Variants in DENND2A observed in about 807,000 individuals in gnomAD.
DENND2A encodes DENN domain-containing protein 2A.
A neutral mutation model predicts 105.3 loss-of-function variants in DENND2A; 53 were observed. The ratio of observed to expected loss-of-function variants is 0.50; its 90% confidence interval spans 0.40 to 0.63. DENND2A has a LOEUF of 0.63. Among genes scored for constraint, DENND2A ranks in the 30% least tolerant of loss-of-function variants. The pLI is 0.00. For synonymous variants in DENND2A, 522 were observed against 508.4 expected (o/e 1.03, Z -0.36); for missense variants, 1,138 against 1,279.6 (o/e 0.89, Z 1.69).
At chr7:140,580,779 G>A (rs1332546558) in intron 5 of DENND2A, among the ~76,000 whole-genome samples, 2 of 151,944 alleles carry the variant, frequency 1.3e-5, no homozygotes, top group African/African-American at 4.8e-5. Flanking sequence ...TGGGACTACA[G>A]GCGAGTGCCA....
chr7:140,544,414 C>T (rs1288422524), intron 14 of DENND2A: 11 of 657,422 alleles, frequency 1.7e-5, no homozygotes, highest in East Asian at 8.2e-5. Flanking sequence ...AGGCTGGCCT[C>T]GAACTCCTGG....
chr7:140,630,971 A>G lies in DENND2A; in HGVS notation c.-248+9533T>C, dbSNP rs531915426. 1.1e-4 allele frequency among the ~76,000 whole-genome samples: 17 copies of G among 152,280 alleles called. 1 individual carries two copies. The South Asian group carries it at 2.9e-3, about 26-fold the overall frequency. On this transcript the variant is annotated intron_variant, in intron 1 of 19. Coordinates refer to ENST00000496613, the MANE Select transcript of DENND2A (RefSeq NM_015689.5). ...TTAATGGCCAGATCTTGGCAGGGGG[A>G]GAGTTAGTGGTCCTGGGAGTGTGGG...
At chr7:140,569,496 A>G (rs568324494) in intron 7 of DENND2A, 149 bp downstream of exon 7, 32 of 679,244 alleles carry the variant, frequency 4.7e-5, no homozygotes, top group African/African-American at 4.6e-4. Flanking sequence ...TCCCAGCCCC[A>G]CCACTGTCCC....
chr7:140,527,350 G>A lies in DENND2A; in HGVS notation c.2473C>T (p.Leu825=). The A allele has an allele frequency of 6.3e-7, 1 of 1,597,526 alleles. No homozygotes were observed. The change falls in exon 15 of 20, where the codon CTG becomes TTG. Residue 825 remains leucine, a synonymous_variant. Transcript: ENST00000496613. This position sits in a 1 kb window ranked among gnomAD's most constrained non-coding sequence, Gnocchi z 4.9. ...PFLIGLLSSS[L]PLLRELPLEE... ...AGCGGCAGCTCCCTGAGCAGTGGCA[G>A]CGAGCTGGAGAGCAGCCCGATGAGG...
At chr7:140,584,793 T>C (rs936632005) in intron 5 of DENND2A, among the ~76,000 whole-genome samples, 1 of 152,226 alleles carries the variant, frequency 6.6e-6, no homozygotes, top group African/African-American at 2.4e-5. Context: ...CATACATGTG[T>C]AAGTTTACAT....
At chr7:140,548,989 C>T (rs1298491274) in intron 12 of DENND2A, among the ~76,000 whole-genome samples, 1 of 151,848 alleles carries the variant, frequency 6.6e-6, no homozygotes, top group African/African-American at 2.4e-5. Context: ...GAGGCCAAGG[C>T]TGGCGGATCA....
chr7:140,574,387 T>C (rs898039401), intron 5 of DENND2A, among the ~76,000 whole-genome samples: 1 of 151,978 alleles, frequency 6.6e-6, no homozygotes, highest in Non-Finnish European at 1.5e-5. Context: ...CCCAGCTAAT[T>C]TTTCGTATTT....
intron 1 of DENND2A, among the ~76,000 whole-genome samples, chr7:140,608,859 T>C (rs1278032889): frequency 6.6e-6 from 1 of 152,108 alleles, no homozygotes; most frequent in East Asian, 1.9e-4. Flanking sequence ...CTGGGGACCC[T>C]GTCAGACATG....
intron 5 of DENND2A, among the ~76,000 whole-genome samples, chr7:140,579,007 G>C (rs1447413352): frequency 6.6e-6 from 1 of 151,878 alleles, no homozygotes; most frequent in Admixed American, 6.6e-5. Flanking sequence ...TAGATGCGGT[G>C]GCTCATGGCC....
intron 5 of DENND2A, among the ~76,000 whole-genome samples, chr7:140,582,726 G>A (rs2130636869): frequency 6.6e-6 from 1 of 152,274 alleles, no homozygotes; most frequent in East Asian, 1.9e-4. Context: ...CCACCTGCCA[G>A]CGATGCTGAC....
At chr7:140,521,216 C>T (rs542719210) in intron 18 of DENND2A, among the ~76,000 whole-genome samples, 8 of 152,038 alleles carry the variant, frequency 5.3e-5, no homozygotes, top group Non-Finnish European at 1.2e-4. Context: ...ACCTCTCTTA[C>T]CAAGTGATCT....
rs772982645 is a variant in DENND2A, at chr7:140,527,294, G to A, written c.2505+24C>T. ...TGTTCTCCGCACCCTGCAGGGAGGGGGACAGGGCTGAGTGGGAGCTCACCT... is the reference window on the plus strand; with the variant it reads ...TGTTCTCCGCACCCTGCAGGGAGGGAGACAGGGCTGAGTGGGAGCTCACCT... On this transcript the variant is annotated intron_variant, in intron 15 of 19. Transcript: ENST00000496613. This position sits in a 1 kb window ranked among gnomAD's most constrained non-coding sequence, Gnocchi z 4.9. The A allele has an allele frequency of 6.4e-7, 1 of 1,555,010 alleles. No individual in the cohort carries two copies. The highest frequency in any genetic ancestry group is 1.4e-5 in the African/African-American group (1 of 73,874).
intron 5 of DENND2A, among the ~76,000 whole-genome samples, chr7:140,581,572 G>A (rs1270739787): frequency 1.3e-5 from 2 of 152,194 alleles, no homozygotes; most frequent in African/African-American, 4.8e-5. Context: ...CCCAGATGCG[G>A]TAGATACTCC....
rs3042407 is a variant in DENND2A at position 140,534,081 on chromosome 7, A to ATTTTTTTTTTTTTTTTT, written c.2328-6603_2328-6587dup. Among the ~76,000 whole-genome samples the ATTTTTTTTTTTTTTTTT allele has an allele frequency of 1.5e-3, 121 of 80,076 alleles. 12 individuals are homozygous for ATTTTTTTTTTTTTTTTT. The highest frequency in any genetic ancestry group is 2.0e-3 in the South Asian group (4 of 1,980). The allele number at this position is 80,076 out of a possible 152,430, so 52.5% of individuals were successfully genotyped here. A position where few individuals can be genotyped will look rare whatever the true frequency, so the allele number is the denominator to read the frequency against. The stretch of plus-strand genomic sequence containing the variant: ...GGCACGTGCCACCAATGCCTGGTTA[A>ATTTTTTTTTTTTTTTTT]TTTTTTTTTTTTTTTTTTTTTGAGA... On this transcript the variant is annotated intron_variant, in intron 14 of 19. Transcript: ENST00000496613.
rs777661670 is a variant in DENND2A at position 140,527,446 on chromosome 7, C to T, written c.2377G>A (p.Ala793Thr). The change falls in exon 15 of 20, where the codon GCC (alanine) becomes ACC (threonine). Residue 793 changes from alanine to threonine, a missense_variant. Physicochemically the swap from Ala to Thr is moderately conservative, Grantham distance 58. Around this residue, in one of 2 missense-constraint regions of DENND2A, gnomAD observed 627 missense variants for 779.8 expected, o/e 0.80. Transcript: ENST00000496613. The surrounding 1 kb of genome is among the most constrained non-coding windows in gnomAD (Gnocchi z 4.9). ...ACCGGGATGTAGGTGTGCTGCCAGG[C>T]GAAGGGGTAGATCAGCGCCACCATC... is the stretch of plus-strand genomic sequence containing the variant. ...HAMVALIYPF[A>T]WQHTYIPVLP... 8 of 1,604,688 alleles carry T rather than the reference C, an allele frequency of 5.0e-6. No individual in the cohort carries two copies. Among genetic ancestry groups the T allele is most frequent in the Non-Finnish European group, 5.9e-6 (7 of 1,177,102 alleles).
At chr7:140,577,988 C>T (rs972350273) in intron 5 of DENND2A, among the ~76,000 whole-genome samples, 1 of 152,142 alleles carries the variant, frequency 6.6e-6, no homozygotes, top group Non-Finnish European at 1.5e-5. Flanking sequence ...GGACCTTACA[C>T]CAACATGTAT....
Position 140,527,380 on chromosome 7 carries a change from G to C in DENND2A, c.2443C>G (p.Pro815Ala). The change falls in exon 15 of 20, where the codon CCC (proline) becomes GCC (alanine). Residue 815 changes from proline (P) to alanine (A), a missense_variant. Coordinates refer to ENST00000496613, the MANE Select transcript of DENND2A (RefSeq NM_015689.5). The surrounding 1 kb of genome is among the most constrained non-coding windows in gnomAD (Gnocchi z 4.9). ...CTGGAGAGCAGCCCGATGAGGAAGG[G>C]CGTCGGCGAGCACACGATGTCGACC... ...AMVDIVCSPT[P>A]FLIGLLSSSL... 2 of 1,606,938 alleles carry C rather than the reference G, an allele frequency of 1.2e-6. No individual in the cohort carries two copies. Among genetic ancestry groups the C allele is most frequent in the Non-Finnish European group, 8.5e-7 (1 of 1,177,978 alleles).
chr7:140,525,264 CCTGT>C (rs373327171), intron 16 of DENND2A, among the ~76,000 whole-genome samples: 33 of 151,116 alleles, frequency 2.2e-4, no homozygotes, highest in East Asian at 9.8e-4. Context: ...AAGCAATTCT[CCTGT>C]CTAAGCCTCC....
At chr7:140,570,114 C>T (rs948412246) in intron 6 of DENND2A, among the ~76,000 whole-genome samples, 6 of 152,072 alleles carry the variant, frequency 3.9e-5, no homozygotes, top group African/African-American at 9.7e-5. Context: ...AGGCTGGTCT[C>T]GAACTCCTGA....
Sources: gnomAD v4.1 joint callset for allele counts (sites outside exome capture counted in the v4.1 genomes callset) on GRCh38, gnomAD v4.1.1 for gene constraint, gnomAD v4.1.1 regional missense constraint, Gnocchi (gnomAD v3.1) non-coding constraint, MANE v1.5 for transcripts, NCBI Gene and HGNC (gene_info 2026-07-23, HGNC 2026-07-21) for gene names.